The following GSR variants were observed in gnomAD, a reference collection of about 807,000 sequenced individuals.
GSR encodes glutathione reductase, mitochondrial.
In GSR, 48 loss-of-function variants were observed where a neutral mutation model predicts 56.5. That is an observed-to-expected ratio of 0.85 (90% CI 0.67 to 1.08). The LOEUF is 1.08. GSR is among the 50% of genes least tolerant of loss of function. The probability of loss-of-function intolerance (pLI) is 0.00; values close to 1 mark genes in which losing one functional copy is unlikely to be tolerated. For synonymous variants in GSR, 264 were observed against 270.8 expected, an observed-to-expected ratio of 0.97 and a Z score of 0.25; for missense variants, 694 against 703.3, an observed-to-expected ratio of 0.99 and a Z score of 0.15.
intron 1 of GSR, among the ~76,000 whole-genome samples, chr8:30,716,626 G>A (rs1804341695): frequency 6.6e-6 from 1 of 152,158 alleles, no homozygotes; most frequent in South Asian, 2.1e-4. Context: ...TGGGCAACAA[G>A]GTGAAACACT....
chr8:30,717,619 T>C (rs1586067781), intron 1 of GSR, among the ~76,000 whole-genome samples: 1 of 152,234 alleles, frequency 6.6e-6, no homozygotes, highest in East Asian at 1.9e-4. Context: ...GCAAGGGATG[T>C]AGGTTGCACA....
intron 9 of GSR, 114 bp downstream of exon 9, chr8:30,689,047 A>G: frequency 1.2e-6 from 1 of 869,076 alleles, no homozygotes; most frequent in Non-Finnish European, 1.9e-6. Context: ...TACATGGGAA[A>G]AAGAGAAAAG....
At chr8:30,694,558 C>T (rs780891617) in intron 7 of GSR, among the ~76,000 whole-genome samples, 6 of 152,122 alleles carry the variant, frequency 3.9e-5, no homozygotes, top group African/African-American at 7.2e-5. Flanking sequence ...ACTTGGGAGG[C>T]TGAGGCAGGA....
rs1803089962 is a variant in GSR at position 30,684,561 on chromosome 8, T to C, written c.1042-362A>G. Among the ~76,000 whole-genome samples the C allele has an allele frequency of 2.0e-5, 3 of 152,312 alleles. No homozygotes were observed. The South Asian group carries it at 6.2e-4, about 32-fold the overall frequency. ...ATAAAAGGTAGTATTTTATCCACTT[T>C]TGAGATGTTTTAACAGGATTTGACA... On this transcript the variant is annotated intron_variant, in intron 9 of 12. Coordinates refer to ENST00000221130, the MANE Select transcript of GSR (RefSeq NM_000637.5).
intron 7 of GSR, among the ~76,000 whole-genome samples, chr8:30,695,808 G>A (rs866709796): frequency 6.6e-6 from 1 of 152,120 alleles, no homozygotes; most frequent in Non-Finnish European, 1.5e-5. Flanking sequence ...GGGAGGTCGA[G>A]GTGGGTGGAT....
intron 8 of GSR, among the ~76,000 whole-genome samples, chr8:30,690,556 T>TGATGG (rs1007196831): frequency 3.5e-4 from 53 of 152,124 alleles, no homozygotes; most frequent in Admixed American, 3.5e-3. Context: ...AAGGTGGTTA[T>TGATGG]GATGGTAGCC....
At chr8:30,718,111 A>AAAATAAATAAATAAATAAATAAAT (rs35132121) in intron 1 of GSR, among the ~76,000 whole-genome samples, 1 of 147,722 alleles carries the variant, frequency 6.8e-6, no homozygotes, top group Non-Finnish European at 1.5e-5. Context: ...CAAAAAAATA[A>AAAATAAATAAATAAATAAATAAAT]AAATAAATAA....
intron 4 of GSR, among the ~76,000 whole-genome samples, chr8:30,706,169 C>T (rs1474714485): frequency 6.8e-6 from 1 of 146,692 alleles, no homozygotes; most frequent in African/African-American, 2.5e-5. Flanking sequence ...GAGTAAGACC[C>T]TTTTCAAAAA....
chr8:30,713,278 C>G (rs1309942399), intron 1 of GSR, among the ~76,000 whole-genome samples: 1 of 152,090 alleles, frequency 6.6e-6, no homozygotes, highest in Non-Finnish European at 1.5e-5. Context: ...CTCAGGTGAT[C>G]CACCTGCCTC....
chr8:30,681,894 G>A lies in GSR; in HGVS notation c.1285+36C>T, dbSNP rs764203275. On this transcript the variant is annotated intron_variant, in intron 11 of 12. Transcript: ENST00000221130. ...AGTTGGGGGCAGGGGAAAGAGGAAG[G>A]AAACCACAAATGACCTTCAGTTTTT... The A allele has an allele frequency of 6.2e-6, 10 of 1,605,950 alleles. No individual in the cohort carries two copies. The Admixed American group carries it at 1.7e-4, about 27-fold the overall frequency.
chr8:30,697,425 A>AT (rs1803584365), intron 6 of GSR, among the ~76,000 whole-genome samples: 1 of 120,466 alleles, frequency 8.3e-6, no homozygotes, highest in Non-Finnish European at 1.8e-5. Context: ...AAAAAACAAA[A>AT]CAAACAAACA....
At chr8:30,683,950 C>T in intron 10 of GSR, 138 bp downstream of exon 10, 1 of 737,676 alleles carries the variant, frequency 1.4e-6, no homozygotes, top group East Asian at 2.6e-5. Context: ...TCTATTTCAA[C>T]ACATTGTACC....
At chr8:30,709,970 ATGAAT>A in intron 2 of GSR, 68 bp from the exon 3 acceptor site, 3 of 835,254 alleles carry the variant, frequency 3.6e-6, no homozygotes, top group Non-Finnish European at 3.9e-6. Flanking sequence ...AAAAGGAATC[ATGAAT>A]GAATGGTAAC....
intron 1 of GSR, among the ~76,000 whole-genome samples, chr8:30,717,502 C>A (rs1804374776): frequency 6.6e-6 from 1 of 152,088 alleles, no homozygotes; most frequent in South Asian, 2.1e-4. Context: ...GTATTTATAG[C>A]TGCTCCCCGT....
At chr8:30,698,131 T>G (rs1403885381) in intron 6 of GSR, among the ~76,000 whole-genome samples, 1 of 152,180 alleles carries the variant, frequency 6.6e-6, no homozygotes, top group African/African-American at 2.4e-5. Flanking sequence ...AAAAACTAAA[T>G]CATGCTATCT....
chr8:30,706,835 A>C lies in GSR; in HGVS notation c.492+1237T>G, dbSNP rs544724049. ...CTCTTAAGGAGGTCTTACTCTAGGC[A>C]AATAAACAATGGTAGGTTTGGCCAG... On this transcript the variant is annotated intron_variant, in intron 4 of 12. Transcript: ENST00000221130. 6.6e-5 allele frequency among the ~76,000 whole-genome samples: 10 copies of C among 152,274 alleles called. No individual in the cohort carries two copies. In the South Asian group the frequency reaches 1.2e-3, roughly 19 times the overall value.
intron 1 of GSR, among the ~76,000 whole-genome samples, chr8:30,714,338 G>A (rs561450527): frequency 6.7e-6 from 1 of 148,814 alleles, no homozygotes; most frequent in South Asian, 2.1e-4. Context: ...CAGCCCCCGA[G>A]TAGCTGGGAC....
At chr8:30,723,952 T>C (rs1434546285) in intron 1 of GSR, among the ~76,000 whole-genome samples, 6 of 152,204 alleles carry the variant, frequency 3.9e-5, no homozygotes. Flanking sequence ...TACCTGTAAA[T>C]GACCACTGCT....
rs1482849312 is a variant in GSR, at chr8:30,727,669, G to T, written c.167C>A (p.Pro56Gln). 2 of 1,447,518 alleles carry T rather than the reference G, an allele frequency of 1.4e-6. No homozygotes were observed. The highest frequency in any genetic ancestry group is 1.8e-6 in the Non-Finnish European group (2 of 1,109,770). The allele number at this position is 1,447,518 out of a possible 1,614,324, so 89.7% of individuals were successfully genotyped here. A position where few individuals can be genotyped will look rare whatever the true frequency, so the allele number is the denominator to read the frequency against. The stretch of plus-strand genomic sequence containing the variant: ...GGAGGCCACGGCGCCAGCAGCGGGC[G>T]GCGGGCCCTGCGGCTGCGGCTCCTG... ...CRQEPQPQGP[P>Q]PAAGAVASYD... The change falls in exon 1 of 13, where the codon CCG (proline) becomes CAG (glutamine). Residue 56 changes from proline to glutamine, a missense_variant. By Grantham distance (76) the Pro-to-Gln change is moderately conservative (BLOSUM62 -1). Transcript: ENST00000221130.
Sources: allele counts gnomAD v4.1 joint callset (sites outside exome capture counted in the v4.1 genomes callset), GRCh38; gene constraint gnomAD v4.1.1; transcripts MANE v1.5; gene names NCBI Gene and HGNC (gene_info 2026-07-23, HGNC 2026-07-21).